Variants in NFAT5 observed in about 807,000 individuals in gnomAD.
NFAT5 encodes the protein nuclear factor of activated T cells 5, also known as nuclear factor of activated T-cells 5.
NFAT5 carries 31 observed loss-of-function variants against 166.5 expected under a neutral mutation model. That is an observed-to-expected ratio of 0.19 (90% CI 0.14 to 0.25). The LOEUF is 0.25. Among genes scored for constraint, NFAT5 ranks in the 10% least tolerant of loss-of-function variants. The pLI is 1.00. For missense variants in NFAT5, 1,449 were observed against 1,821.8 expected, an observed-to-expected ratio of 0.80 and a Z score of 3.72; for synonymous variants, 612 against 639.7, an observed-to-expected ratio of 0.96 and a Z score of 0.65.
intron 11 of NFAT5, among the ~76,000 whole-genome samples, chr16:69,688,671 T>C (rs757162069): frequency 2.0e-4 from 30 of 152,164 alleles, no homozygotes; most frequent in Non-Finnish European, 3.7e-4. Flanking sequence ...CTGGCCCATA[T>C]TTTTATTTTT....
At chr16:69,568,370 GTGTGTGTATA>G (rs1462029587) in intron 1 of NFAT5, 115 bp from the exon 2 acceptor site, 15 of 387,310 alleles carry the variant, frequency 3.9e-5, no homozygotes, top group African/African-American at 1.6e-4. Context: ...GTGTGTGTGT[GTGTGTGTATA>G]TATATATATA....
rs1477289519 is a variant in NFAT5 at position 69,692,831 on chromosome 16, A to G, written c.3006A>G (p.Thr1002=). Residue 1002 remains threonine, a synonymous_variant, in exon 13 of 15, where the codon ACA becomes ACG. Transcript: ENST00000349945. The stretch of plus-strand genomic sequence containing the variant: ...CCCCTGGCACTACCATGTTTCAGAC[A>G]TCAAGTTCAGGAGATGGAGAAGAAA... ...VATPGTTMFQ[T]SSSGDGEETG... 1 of 1,614,120 alleles carries G rather than the reference A, an allele frequency of 6.2e-7. No homozygotes were observed. The highest frequency in any genetic ancestry group is 1.3e-5 in the African/African-American group (1 of 74,948).
Position 69,692,000 on chromosome 16 carries a change from G to C in NFAT5, c.2175G>C (p.Gln725His). The change falls in exon 13 of 15, where the codon CAG (glutamine) becomes CAC (histidine). Residue 725 changes from glutamine (Q) to histidine (H), a missense_variant. Around this residue, in one of 7 missense-constraint regions of NFAT5, gnomAD observed 891 missense variants for 993.0 expected, o/e 0.90. Coordinates refer to ENST00000349945, the MANE Select transcript of NFAT5 (RefSeq NM_138713.4). The stretch of plus-strand genomic sequence containing the variant: ...CCAACAGCGATGCACTATTGCAGCA[G>C]GCTACACAGTTTCAGACAAGAGAAA... Reference protein sequence around the residue: ...QLPNSDALLQQATQFQTRETQ... With the variant: ...QLPNSDALLQHATQFQTRETQ... 1 of 1,614,158 alleles carries C rather than the reference G, an allele frequency of 6.2e-7. No individual in the cohort carries two copies. Among genetic ancestry groups the C allele is most frequent in the Non-Finnish European group, 8.5e-7 (1 of 1,180,042 alleles).
At chr16:69,626,842 G>T (rs537158634) in intron 3 of NFAT5, among the ~76,000 whole-genome samples, 21 of 152,196 alleles carry the variant, frequency 1.4e-4, no homozygotes, top group Admixed American at 3.3e-4. Context: ...GCTGTGAATA[G>T]AAAATTATAT....
chr16:69,624,111 A>G (rs765009169), intron 2 of NFAT5, among the ~76,000 whole-genome samples: 24 of 152,176 alleles, frequency 1.6e-4, no homozygotes, highest in Non-Finnish European at 2.4e-4. Context: ...AGGGCATATT[A>G]TATTCTGACA....
intron 2 of NFAT5, among the ~76,000 whole-genome samples, chr16:69,617,516 G>T (rs2151566573): frequency 6.7e-6 from 1 of 149,744 alleles, no homozygotes; most frequent in East Asian, 2.0e-4. Context: ...TTTGAGACAG[G>T]GCCTTGCTCT....
At chr16:69,576,902 G>A (rs144133986) in intron 2 of NFAT5, among the ~76,000 whole-genome samples, 27 of 152,348 alleles carry the variant, frequency 1.8e-4, no homozygotes, top group African/African-American at 6.3e-4. Flanking sequence ...AAATGAAGGT[G>A]CCGTGGGGCT....
At chr16:69,676,918 C>T (rs925910742) in intron 9 of NFAT5, 4 of 271,738 alleles carry the variant, frequency 1.5e-5, no homozygotes, top group South Asian at 1.3e-4. Context: ...AAGAAGGGAC[C>T]GAGGTCAGTG....
chr16:69,652,527 ATTACTT>A (rs2035715411), intron 4 of NFAT5, among the ~76,000 whole-genome samples: 1 of 152,138 alleles, frequency 6.6e-6, no homozygotes, highest in Non-Finnish European at 1.5e-5. Flanking sequence ...GAGGGCTTTA[ATTACTT>A]AACTAATCAC....
intron 7 of NFAT5, among the ~76,000 whole-genome samples, chr16:69,665,106 G>C (rs2036312876): frequency 6.6e-6 from 1 of 152,180 alleles, no homozygotes. Context: ...GTTGTGTTTA[G>C]TATGGCGTCT....
At chr16:69,676,114 C>CA (rs1287793910) in intron 9 of NFAT5, among the ~76,000 whole-genome samples, 1 of 152,210 alleles carries the variant, frequency 6.6e-6, no homozygotes, top group African/African-American at 2.4e-5. Flanking sequence ...TCATCAAACT[C>CA]ACGTCACCCT....
At chr16:69,625,354 A>G (rs2034407719) in intron 2 of NFAT5, among the ~76,000 whole-genome samples, 1 of 151,912 alleles carries the variant, frequency 6.6e-6, no homozygotes. Context: ...CAATTATAGT[A>G]TTACAAAATA....
Position 69,647,186 on chromosome 16 carries a change from A to G in NFAT5, c.412A>G (p.Ser138Gly). ...SAVGVSNRGV[S>G]EKQLTSNTVQ... ...CGTGGGGGTAAGTAACAGAGGGGTA[A>G]GTGAAAAGCAGTTAACCAGTAACAC... is the stretch of plus-strand genomic sequence containing the variant. The change falls in exon 4 of 15, where the codon AGT becomes GGT. Residue 138 changes from serine to glycine, a missense_variant. Physicochemically the swap from Ser to Gly is moderately conservative, Grantham distance 56. Around this residue, in one of 7 missense-constraint regions of NFAT5, gnomAD observed 172 missense variants for 194.5 expected, o/e 0.88. Transcript: ENST00000349945. The surrounding 1 kb of genome is among the most constrained non-coding windows in gnomAD (Gnocchi z 4.8). The G allele has an allele frequency of 6.2e-7, 1 of 1,614,110 alleles. No individual in the cohort carries two copies. The highest frequency in any genetic ancestry group is 1.1e-5 in the South Asian group (1 of 91,068).
rs2037635098 is a variant in NFAT5, at chr16:69,693,413, A to G, written c.3588A>G (p.Gln1196=). Residue 1196 remains glutamine, a synonymous_variant, in exon 13 of 15, where the codon CAA becomes CAG. Transcript: ENST00000349945. ...SPLQSTSNSE[Q]QAAFQQQAPI... The stretch of plus-strand genomic sequence containing the variant: ...TTCAGTCAACATCAAACAGTGAACA[A>G]CAAGCTGCTTTCCAACAGCAAGCTC... 1 of 1,614,200 alleles carries G rather than the reference A, an allele frequency of 6.2e-7. No individual in the cohort carries two copies. Among genetic ancestry groups the G allele is most frequent in the Non-Finnish European group, 8.5e-7 (1 of 1,180,030 alleles).
intron 2 of NFAT5, among the ~76,000 whole-genome samples, chr16:69,610,694 G>A (rs138297259): frequency 2.9e-4 from 44 of 152,220 alleles, no homozygotes; most frequent in African/African-American, 1.0e-3. Flanking sequence ...TTTCTTCTCC[G>A]TAAAAACTGA....
chr16:69,574,457 T>G (rs2016624110), intron 2 of NFAT5, among the ~76,000 whole-genome samples: 1 of 152,082 alleles, frequency 6.6e-6, no homozygotes, highest in Non-Finnish European at 1.5e-5. Context: ...ACTAACAGAG[T>G]ATAAGACCAA....
chr16:69,636,076 C>T lies in NFAT5; in HGVS notation c.253+9548C>T, dbSNP rs149315492. Among the ~76,000 whole-genome samples the T allele has an allele frequency of 2.2e-4, 33 of 152,286 alleles. No homozygotes were observed. In the East Asian group the frequency reaches 5.8e-3, roughly 27 times the overall value. ...GAGTACAGGTATTGGGTAAATACAG[C>T]TGTTCCAAATGGGAGAAATTGGCCA... On this transcript the variant is annotated intron_variant, in intron 3 of 14. Coordinates refer to ENST00000349945, the MANE Select transcript of NFAT5 (RefSeq NM_138713.4).
rs1170501351 is a variant in NFAT5 at position 69,653,344 on chromosome 16, G to A, written c.921G>A (p.Glu307=). The part of the protein sequence containing the change: ...GKELKIVVQP[E]TQHRARYLTE... ...AGCTGAAGATAGTTGTACAACCTGAGACACAGCACCGAGCTCGGTACCTGA... is the reference window on the plus strand; with the variant it reads ...AGCTGAAGATAGTTGTACAACCTGAAACACAGCACCGAGCTCGGTACCTGA... The change falls in exon 5 of 15, where the codon GAG becomes GAA. Residue 307 remains glutamate (E), a synonymous_variant. Coordinates refer to ENST00000349945, the MANE Select transcript of NFAT5 (RefSeq NM_138713.4). The A allele has an allele frequency of 1.2e-6, 2 of 1,613,148 alleles. No individual in the cohort carries two copies. Among genetic ancestry groups the A allele is most frequent in the African/African-American group, 2.7e-5 (2 of 74,826 alleles).
chr16:69,645,648 A>T (rs745396786), intron 3 of NFAT5, among the ~76,000 whole-genome samples: 9 of 152,174 alleles, frequency 5.9e-5, no homozygotes, highest in Non-Finnish European at 1.2e-4. Context: ...GTATGTTGCA[A>T]TTCCAATAAC....
Sources: allele counts gnomAD v4.1 joint callset (sites outside exome capture counted in the v4.1 genomes callset), GRCh38; gene constraint gnomAD v4.1.1; regional missense constraint gnomAD v4.1.1; non-coding constraint Gnocchi (gnomAD v3.1); transcripts MANE v1.5; gene names NCBI Gene and HGNC (gene_info 2026-07-23, HGNC 2026-07-21).